Variants in HLCS observed in about 807,000 individuals in gnomAD.
HLCS encodes holocarboxylase synthetase, also known as biotin--protein ligase.
In HLCS, 53 loss-of-function variants were observed where a neutral mutation model predicts 75.0. The ratio of observed to expected loss-of-function variants is 0.71; its 90% CI spans 0.57 to 0.89. The LOEUF (loss-of-function observed/expected upper bound fraction) is 0.89, where lower values mean the gene tolerates loss of function less well. Ranked by LOEUF, HLCS falls within the 40% of genes least tolerant of loss-of-function variation. The probability of loss-of-function intolerance (pLI) is 0.00; values close to 1 mark genes in which losing one functional copy is unlikely to be tolerated. For synonymous variants in HLCS, 431 were observed against 428.6 expected, an observed-to-expected ratio of 1.01 and a Z score of -0.07; for missense variants, 966 against 1,074.0, an observed-to-expected ratio of 0.90 and a Z score of 1.41.
chr21:36,974,525 G>C (rs1264874353), intron 1 of HLCS: 1 of 152,240 alleles, frequency 6.6e-6, no homozygotes, highest in Admixed American at 6.5e-5. Context: ...CTAACCCCCA[G>C]TACCTCAGAA....
At chr21:36,989,314 CTT>C (rs35073331) in intron 1 of HLCS, among the ~76,000 whole-genome samples, 14,047 of 79,606 alleles carry the variant, frequency 0.18, 1,140 homozygotes, top group South Asian at 0.29. Flanking sequence ...TCTGGCCCAT[CTT>C]TTTTTTTTTT....
chr21:36,810,965 T>C (rs2061493321), intron 6 of HLCS, among the ~76,000 whole-genome samples: 1 of 152,112 alleles, frequency 6.6e-6, no homozygotes, highest in Admixed American at 6.6e-5. Context: ...ATAATAAAAT[T>C]CTGAAGAAAA....
chr21:36,803,971 G>T (rs1161319823), intron 6 of HLCS: 1 of 152,246 alleles, frequency 6.6e-6, no homozygotes, highest in Non-Finnish European at 1.5e-5. Flanking sequence ...AGCCAGGAAG[G>T]CAGTTTCCTT....
chr21:36,980,839 GC>G lies in HLCS; in HGVS notation c.-393+9318del, dbSNP rs1230048560. Reference sequence around the variant, plus strand: ...CGGCGCAGCCCCAAATCCTGCCCGCGCCCCAGCCCCGCTCAGGCCGCGCCCC... The same window carrying G: ...CGGCGCAGCCCCAAATCCTGCCCGCGCCCAGCCCCGCTCAGGCCGCGCCCC... On this transcript the variant is annotated intron_variant, in intron 1 of 11. Transcript: ENST00000336648. 3 of 152,754 alleles carry G rather than the reference GC, an allele frequency of 2.0e-5. No individual in the cohort carries two copies. The East Asian group carries it at 5.8e-4, about 29-fold the overall frequency. The allele number at this position is 152,754 out of a possible 1,614,324, so 9.5% of individuals were successfully genotyped here. A position where few individuals can be genotyped will look rare whatever the true frequency, so the allele number is the denominator to read the frequency against.
At chr21:36,764,252 C>G (rs1238642467) in intron 8 of HLCS, among the ~76,000 whole-genome samples, 1 of 152,218 alleles carries the variant, frequency 6.6e-6, no homozygotes, top group Non-Finnish European at 1.5e-5. Flanking sequence ...CAAAAACTAG[C>G]TGTGTGTGAT....
At chr21:36,817,462 A>T (rs2145985904) in intron 6 of HLCS, among the ~76,000 whole-genome samples, 1 of 152,322 alleles carries the variant, frequency 6.6e-6, no homozygotes, top group South Asian at 2.1e-4. Flanking sequence ...CAAGATTAAA[A>T]AACATTTTCT....
chr21:36,778,103 G>A (rs1002380622), intron 6 of HLCS, among the ~76,000 whole-genome samples: 1 of 152,072 alleles, frequency 6.6e-6, no homozygotes, highest in African/African-American at 2.4e-5. Flanking sequence ...CAAGTAGCTG[G>A]GACTACAGGC....
intron 6 of HLCS, among the ~76,000 whole-genome samples, chr21:36,855,189 G>C (rs915382609): frequency 7.9e-5 from 12 of 151,896 alleles, no homozygotes; most frequent in East Asian, 7.7e-4. Context: ...TTCTATATTG[G>C]TTTTTAGAAT....
In HLCS at chr21:36,952,685, G is replaced by A. The variant is rs1170907382; in HGVS notation, c.330+9351C>T. Among the ~76,000 whole-genome samples, 9 of 151,648 alleles carry A rather than the reference G, an allele frequency of 5.9e-5. No homozygotes were observed. The East Asian group carries it at 1.7e-3, about 29-fold the overall frequency. On this transcript the variant is annotated intron_variant, in intron 2 of 10. Coordinates refer to ENST00000674895, the MANE Select transcript of HLCS (RefSeq NM_001352514.2). ...GCAGGCCTGCAACTCCAACTACCCG[G>A]GAGGCTGAGGCAGGAGAATTGCTTG...
intron 6 of HLCS, among the ~76,000 whole-genome samples, chr21:36,777,207 C>A (rs1003415067): frequency 6.6e-6 from 1 of 152,194 alleles, no homozygotes; most frequent in Non-Finnish European, 1.5e-5. Flanking sequence ...AGAACAGTTT[C>A]CCTGCCCTAA....
intron 6 of HLCS, among the ~76,000 whole-genome samples, chr21:36,784,458 G>C (rs2060629236): frequency 6.6e-6 from 1 of 151,998 alleles, no homozygotes. Context: ...TGGGACTACA[G>C]GCATGTGCCA....
chr21:36,843,825 GA>G (rs1323741143), intron 6 of HLCS, among the ~76,000 whole-genome samples: 1 of 152,068 alleles, frequency 6.6e-6, no homozygotes, highest in African/African-American at 2.4e-5. Flanking sequence ...GGGCAACAAA[GA>G]GAGACCCCGT....
intron 6 of HLCS, among the ~76,000 whole-genome samples, chr21:36,848,100 C>G (rs1047551520): frequency 6.6e-6 from 1 of 152,102 alleles, no homozygotes; most frequent in Non-Finnish European, 1.5e-5. Flanking sequence ...ATATATAAAA[C>G]TTTGCATCAC....
intron 5 of HLCS, among the ~76,000 whole-genome samples, chr21:36,918,046 A>G (rs1186581423): frequency 6.6e-6 from 1 of 152,198 alleles, no homozygotes; most frequent in African/African-American, 2.4e-5. Flanking sequence ...CAGATAATAC[A>G]TACTCAGTTT....
chr21:36,950,886 T>C (rs1271611931), intron 2 of HLCS, among the ~76,000 whole-genome samples: 1 of 152,088 alleles, frequency 6.6e-6, no homozygotes, highest in African/African-American at 2.4e-5. Flanking sequence ...TATCCAAATA[T>C]CTCCAACAAA....
intron 6 of HLCS, among the ~76,000 whole-genome samples, chr21:36,878,670 A>C (rs1211126735): frequency 6.6e-6 from 1 of 152,204 alleles, no homozygotes; most frequent in African/African-American, 2.4e-5. Flanking sequence ...GACTCCCGTT[A>C]TAGCTTTACC....
At chr21:36,962,382 C>A (rs2068346211) in intron 1 of HLCS, among the ~76,000 whole-genome samples, 1 of 152,174 alleles carries the variant, frequency 6.6e-6, no homozygotes, top group Admixed American at 6.5e-5. Flanking sequence ...TGACTCAGGA[C>A]AGCTTTAATA....
chr21:36,980,761 G>C (rs2069099510), intron 1 of HLCS: 1 of 152,378 alleles, frequency 6.6e-6, no homozygotes, highest in Non-Finnish European at 1.5e-5. Flanking sequence ...GATGGCAGCG[G>C]AGGCATGGGA....
chr21:36,763,910 C>T (rs1469524616), intron 8 of HLCS, among the ~76,000 whole-genome samples: 1 of 152,142 alleles, frequency 6.6e-6, no homozygotes, highest in Non-Finnish European at 1.5e-5. Context: ...GGGAAGATGG[C>T]CCCAAGTGGA....
Sources: allele counts gnomAD v4.1 joint callset (sites outside exome capture counted in the v4.1 genomes callset), GRCh38; gene constraint gnomAD v4.1.1; transcripts MANE v1.5; gene names NCBI Gene and HGNC (gene_info 2026-07-23, HGNC 2026-07-21).